The following MRPS9 variants were observed in gnomAD, a reference collection of about 807,000 sequenced individuals.
MRPS9 encodes mitochondrial ribosomal protein S9.
A neutral mutation model predicts 59.9 loss-of-function variants in MRPS9; 45 were observed. The observed-to-expected ratio is 0.75, with a 90% CI of 0.59 to 0.96. The LOEUF (loss-of-function observed/expected upper bound fraction) is 0.96. MRPS9 is among the 40% of genes least tolerant of loss of function. MRPS9 has a pLI of 0.00. For synonymous variants in MRPS9, 171 were observed against 166.8 expected (o/e 1.03, Z -0.19); for missense variants, 473 against 481.1 (o/e 0.98, Z 0.16).
At chr2:105,049,086 C>A in intron 1 of MRPS9, 85 bp from the exon 2 acceptor site, 1 of 911,178 alleles carries the variant, frequency 1.1e-6, no homozygotes, top group Non-Finnish European at 1.7e-6. Flanking sequence ...TAACTACTTG[C>A]ATATACTATT....
Position 105,049,155 on chromosome 2 carries a change from C to G in MRPS9, c.136-16C>G, listed in dbSNP as rs1036978133. On this transcript the variant is annotated splice_polypyrimidine_tract_variant and intron_variant, in intron 1 of 10. Transcript: ENST00000258455. ...TTAATTTATTTTCTTTTCTTTCCAT[C>G]TATATTTTCTGTTAGATATTAAGGC... is the stretch of plus-strand genomic sequence containing the variant. The G allele has an allele frequency of 1.3e-6, 2 of 1,486,598 alleles. No homozygotes were observed. Among genetic ancestry groups the G allele is most frequent in the African/African-American group, 1.4e-5 (1 of 70,568 alleles). The allele number at this position is 1,486,598 out of a possible 1,614,324, so 92.1% of individuals were successfully genotyped here.
At chr2:105,092,348 T>A (rs2104469092) in intron 7 of MRPS9, 53 bp from the exon 8 acceptor site, 1 of 1,476,244 alleles carries the variant, frequency 6.8e-7, no homozygotes, top group East Asian at 2.4e-5. Context: ...ATAGAAAAAA[T>A]TTAGCAAATG....
rs555851377 is a variant in MRPS9, at chr2:105,056,728, T to C, written c.315+7378T>C. ...TGAATAGAAATCTGGCCTTGCTGAATACAGCATATATAATTTATGTGTGAA... is the reference window on the plus strand; with the variant it reads ...TGAATAGAAATCTGGCCTTGCTGAACACAGCATATATAATTTATGTGTGAA... On this transcript the variant is annotated intron_variant, in intron 2 of 10. Coordinates refer to ENST00000258455, the MANE Select transcript of MRPS9 (RefSeq NM_182640.3). 6.6e-5 allele frequency among the ~76,000 whole-genome samples: 10 copies of C among 152,360 alleles called. No individual in the cohort carries two copies. The South Asian group carries it at 1.0e-3, about 16-fold the overall frequency.
chr2:105,044,773 A>G (rs1162132079), intron 1 of MRPS9, among the ~76,000 whole-genome samples: 1 of 152,234 alleles, frequency 6.6e-6, no homozygotes, highest in African/African-American at 2.4e-5. Context: ...AAAATGTTGT[A>G]GGAGCAAAAG....
At chr2:105,043,331 G>C (rs116724284) in intron 1 of MRPS9, among the ~76,000 whole-genome samples, 1 of 152,106 alleles carries the variant, frequency 6.6e-6, no homozygotes, top group Non-Finnish European at 1.5e-5. Flanking sequence ...CATAGTATCC[G>C]TTTCCCCTTC....
chr2:105,043,807 ATATTTT>A (rs1413965410), intron 1 of MRPS9, among the ~76,000 whole-genome samples: 1 of 137,964 alleles, frequency 7.2e-6, no homozygotes, highest in Non-Finnish European at 1.6e-5. Flanking sequence ...GCTGATTTTT[ATATTTT>A]TAGTAGTGAC....
intron 5 of MRPS9, among the ~76,000 whole-genome samples, chr2:105,086,828 C>T (rs1481591456): frequency 1.3e-5 from 2 of 151,888 alleles, no homozygotes; most frequent in African/African-American, 4.8e-5. Context: ...CACAGTCTGC[C>T]TGTGGTCCAG....
chr2:105,072,661 G>A (rs1680135667), intron 4 of MRPS9, among the ~76,000 whole-genome samples: 1 of 152,114 alleles, frequency 6.6e-6, no homozygotes, highest in Non-Finnish European at 1.5e-5. Flanking sequence ...TCAATACGCA[G>A]GCCGCTTTAT....
chr2:105,089,069 G>C lies in MRPS9; in HGVS notation c.575G>C (p.Arg192Thr). 1.2e-6 allele frequency: 2 copies of C among 1,602,222 alleles called. No individual in the cohort carries two copies. The highest frequency in any genetic ancestry group is 1.7e-6 in the Non-Finnish European group (2 of 1,173,992). ...KSLLPEKTVT[R>T]DVIGSRWLIK... The stretch of plus-strand genomic sequence containing the variant: ...CTGCTCCCAGAAAAAACTGTAACCA[G>C]GTAAGCTCTTTTCTTGCATTAAAAT... Residue 192 changes from arginine to threonine, a missense_variant and splice_region_variant, in exon 6 of 11, where the codon AGA becomes ACA. Arg to Thr is a moderately conservative substitution (Grantham distance 71, BLOSUM62 -1). Transcript: ENST00000258455.
intron 5 of MRPS9, among the ~76,000 whole-genome samples, chr2:105,082,025 C>T (rs1438458585): frequency 1.3e-5 from 2 of 152,106 alleles, no homozygotes; most frequent in South Asian, 2.1e-4. Context: ...CCAGGCACTG[C>T]GTAGAAAGTC....
At chr2:105,089,684 G>GAGTT (rs1680519509) in intron 6 of MRPS9, among the ~76,000 whole-genome samples, 1 of 152,136 alleles carries the variant, frequency 6.6e-6, no homozygotes, top group South Asian at 2.1e-4. Flanking sequence ...AATACCAAGT[G>GAGTT]AGTTCCATAG....
At chr2:105,091,096 G>C (rs1305942622) in intron 7 of MRPS9, among the ~76,000 whole-genome samples, 1 of 151,780 alleles carries the variant, frequency 6.6e-6, no homozygotes, top group Non-Finnish European at 1.5e-5. Flanking sequence ...AATAATTCAG[G>C]TATTTTTTCT....
intron 5 of MRPS9, among the ~76,000 whole-genome samples, chr2:105,081,923 ACACATAT>A (rs1680354820): frequency 6.6e-6 from 1 of 152,198 alleles, no homozygotes; most frequent in Non-Finnish European, 1.5e-5. Context: ...TTCCCAGATA[ACACATAT>A]CACGATCATC....
intron 2 of MRPS9, among the ~76,000 whole-genome samples, chr2:105,061,835 C>G (rs925542923): frequency 6.6e-6 from 1 of 152,108 alleles, no homozygotes; most frequent in African/African-American, 2.4e-5. Context: ...AGATGGAGGT[C>G]TGTGCTTGTC....
At chr2:105,080,107 CA>C (rs1356525601) in intron 5 of MRPS9, 45 bp downstream of exon 5, 1 of 1,361,994 alleles carries the variant, frequency 7.3e-7, no homozygotes, top group African/African-American at 1.5e-5. Context: ...CTGTAAGCTA[CA>C]AAACTAATTA....
intron 2 of MRPS9, among the ~76,000 whole-genome samples, chr2:105,051,148 T>C (rs1679704110): frequency 6.6e-6 from 1 of 152,228 alleles, no homozygotes; most frequent in African/African-American, 2.4e-5. Context: ...TTCACCCTTA[T>C]ATTTTCTTCT....
intron 1 of MRPS9, among the ~76,000 whole-genome samples, chr2:105,041,591 T>C (rs919625249): frequency 1.3e-5 from 2 of 152,116 alleles, no homozygotes; most frequent in South Asian, 4.1e-4. Flanking sequence ...ATCACAGCAT[T>C]CTATTGATCT....
intron 5 of MRPS9, among the ~76,000 whole-genome samples, chr2:105,086,928 G>A (rs1462965642): frequency 2.6e-5 from 4 of 151,946 alleles, no homozygotes; most frequent in Non-Finnish European, 4.4e-5. Flanking sequence ...CATTTTTTTT[G>A]GTGGGGGGAG....
intron 5 of MRPS9, among the ~76,000 whole-genome samples, chr2:105,087,154 A>G (rs888926807): frequency 6.6e-6 from 1 of 152,070 alleles, no homozygotes; most frequent in African/African-American, 2.4e-5. Flanking sequence ...ATATGTGGAT[A>G]TATACCCCTG....
Sources: gnomAD v4.1 joint callset for allele counts (sites outside exome capture counted in the v4.1 genomes callset) on GRCh38, gnomAD v4.1.1 for gene constraint, MANE v1.5 for transcripts, NCBI Gene and HGNC (gene_info 2026-07-23, HGNC 2026-07-21) for gene names.